CFAP47: variants seen among roughly 807,000 people sequenced by gnomAD.
CFAP47 encodes cilia and flagella associated protein 47, also known as cilia- and flagella-associated protein 47.
In CFAP47, 29 loss-of-function variants were observed where a neutral mutation model predicts 148.1. The observed-to-expected ratio is 0.20, with a 90% CI of 0.15 to 0.27. The LOEUF is 0.27. CFAP47 is among the 10% of genes least tolerant of loss of function. CFAP47 has a pLI of 1.00. For missense variants in CFAP47, 1,872 were observed against 1,697.5 expected (o/e 1.10, Z -1.81); for synonymous variants, 664 against 577.3 (o/e 1.15, Z -2.15).
chrX:36,349,327 G>T (rs151168081), intron 58 of CFAP47, among the ~76,000 whole-genome samples: 1,665 of 111,311 alleles, frequency 0.015, 51 homozygotes, highest in Admixed American at 0.093. Flanking sequence ...GCAGTGGCAT[G>T]ATCTTAACTT....
At chrX:36,131,115 CT>C (rs1215631959) in intron 33 of CFAP47, among the ~76,000 whole-genome samples, 1 of 111,027 alleles carries the variant, frequency 9.0e-6, no homozygotes, top group African/African-American at 3.3e-5. Flanking sequence ...GATGGATGCC[CT>C]ATTCTTCAAG....
intron 46 of CFAP47, among the ~76,000 whole-genome samples, chrX:36,231,392 C>T (rs1307618031): frequency 1.9e-5 from 2 of 107,260 alleles, no homozygotes; most frequent in Admixed American, 1.0e-4. Context: ...TGGGAGTTCA[C>T]TCATGATTTG....
intron 33 of CFAP47, among the ~76,000 whole-genome samples, chrX:36,129,177 G>T (rs1269922767): frequency 2.7e-5 from 3 of 110,327 alleles, no homozygotes; most frequent in South Asian, 3.7e-4. Context: ...ATGAGATTTT[G>T]TAACATATTT....
chrX:36,067,940 C>G (rs929259473), intron 27 of CFAP47, among the ~76,000 whole-genome samples: 2 of 111,363 alleles, frequency 1.8e-5, no homozygotes, highest in African/African-American at 6.5e-5. Flanking sequence ...CGTGAGCCAC[C>G]GCGCCTGGCC....
In CFAP47 at chrX:36,079,774, T is replaced by C. The variant is rs748423754; in HGVS notation, c.4692-5540T>C. On this transcript the variant is annotated intron_variant, in intron 29 of 63. Transcript: ENST00000378653. ...CCTTCCTTACACCTTATACAAAAAT[T>C]AATTCAAGATAGATTAAAGACTTAA... 2.7e-5 allele frequency among the ~76,000 whole-genome samples: 3 copies of C among 111,518 alleles called. No individual in the cohort carries two copies. In the East Asian group the frequency reaches 8.5e-4, roughly 32 times the overall value.
chrX:35,921,065 AT>A lies in CFAP47; in HGVS notation c.249+1018del, dbSNP rs1456500860. Among the ~76,000 whole-genome samples the A allele has an allele frequency of 2.7e-5, 3 of 111,913 alleles. 1 individual carries two copies. Among genetic ancestry groups the A allele is most frequent in the Non-Finnish European group, 5.6e-5 (3 of 53,221 alleles). ...TAAAGTTTGATGAATTTACAAAAAA[AT>A]AAATATGTGTGTGTGTAGATAGATA... On this transcript the variant is annotated intron_variant, in intron 1 of 63. Transcript: ENST00000378653.
At chrX:36,359,917 AT>A (rs1312682013) in intron 60 of CFAP47, among the ~76,000 whole-genome samples, 4 of 109,126 alleles carry the variant, frequency 3.7e-5, no homozygotes, top group East Asian at 5.8e-4. Context: ...TGCCCAGCTA[AT>A]TTTTTTTTGT....
At chrX:35,987,300 G>A (rs1364055517) in intron 15 of CFAP47, among the ~76,000 whole-genome samples, 1 of 111,727 alleles carries the variant, frequency 9.0e-6, no homozygotes, top group Non-Finnish European at 1.9e-5. Flanking sequence ...CTTCAGAGAT[G>A]CTCGGCCCAG....
At chrX:36,021,075 C>T (rs1334264237) in intron 22 of CFAP47, among the ~76,000 whole-genome samples, 2 of 110,936 alleles carry the variant, frequency 1.8e-5, no homozygotes, top group Non-Finnish European at 3.8e-5. Context: ...ACACTATTTG[C>T]ATGAAAAACA....
At chrX:36,221,447 A>T (rs1242296545) in intron 45 of CFAP47, among the ~76,000 whole-genome samples, 3 of 111,696 alleles carry the variant, frequency 2.7e-5, no homozygotes, top group Admixed American at 9.5e-5. Context: ...AACTTGATGA[A>T]TTCAATAGAA....
chrX:36,349,959 A>G, intron 58 of CFAP47, 79 bp from the exon 59 acceptor site: 2 of 582,785 alleles, frequency 3.4e-6, no homozygotes, highest in African/African-American at 2.3e-5. Context: ...AAAATACCAT[A>G]AAGTTAATAA....
At chrX:36,127,422 C>T (rs1199355237) in intron 33 of CFAP47, among the ~76,000 whole-genome samples, 1 of 111,476 alleles carries the variant, frequency 9.0e-6, no homozygotes, top group Non-Finnish European at 1.9e-5. Flanking sequence ...GGTATTGTTT[C>T]TGAAGCCTCT....
rs1280641429 is a variant in CFAP47 at position 36,385,137 on chromosome X, C to A, written c.*131C>A. On this transcript the variant is annotated 3_prime_UTR_variant, in exon 64 of 64. Transcript: ENST00000378653. ...CTATATTTCCTTGTCTTTTAAAATT[C>A]AATCTGTTCTCTGAATATATTATAC... The A allele has an allele frequency of 3.9e-5, 18 of 467,513 alleles. No homozygotes were observed. The highest frequency in any genetic ancestry group is 5.7e-4 in the Middle Eastern group (1 of 1,764). 38.5% of individuals were successfully genotyped at this position (467,513 alleles called of 1,213,427 possible). A position where few individuals can be genotyped will look rare whatever the true frequency, so the allele number is the denominator to read the frequency against.
At chrX:36,221,211 T>A (rs62590709) in intron 45 of CFAP47, among the ~76,000 whole-genome samples, 13,783 of 110,579 alleles carry the variant, frequency 0.12, 689 homozygotes, top group East Asian at 0.26. Flanking sequence ...AATAAATAAT[T>A]CGGGTGTTAC....
chrX:36,021,385 C>T (rs1937156449), intron 22 of CFAP47, among the ~76,000 whole-genome samples: 1 of 110,758 alleles, frequency 9.0e-6, no homozygotes, highest in Non-Finnish European at 1.9e-5. Context: ...CCCTGCAACC[C>T]TCAACCTCCT....
intron 45 of CFAP47, among the ~76,000 whole-genome samples, chrX:36,208,019 G>C (rs782773141): frequency 9.0e-6 from 1 of 111,318 alleles, no homozygotes; most frequent in East Asian, 2.8e-4. Context: ...ATTTTGTATC[G>C]CTCTAATTTC....
intron 55 of CFAP47, among the ~76,000 whole-genome samples, chrX:36,308,247 G>A (rs1345323325): frequency 9.0e-6 from 1 of 111,658 alleles, no homozygotes; most frequent in Non-Finnish European, 1.9e-5. Context: ...AACCTTCTAT[G>A]AGTCAGTTGA....
At chrX:36,072,678 ATTACTT>A (rs992956978) in intron 28 of CFAP47, among the ~76,000 whole-genome samples, 2 of 111,992 alleles carry the variant, frequency 1.8e-5, no homozygotes, top group Non-Finnish European at 3.8e-5. Context: ...ATTCTTGAAA[ATTACTT>A]TAACTTGAAA....
chrX:36,239,908 C>A (rs1292334781), intron 48 of CFAP47, among the ~76,000 whole-genome samples: 1 of 111,678 alleles, frequency 9.0e-6, no homozygotes, highest in African/African-American at 3.3e-5. Flanking sequence ...AAGTATACAA[C>A]AACACATATA....
Sources: gnomAD v4.1 joint callset for allele counts (sites outside exome capture counted in the v4.1 genomes callset) on GRCh38, gnomAD v4.1.1 for gene constraint, MANE v1.5 for transcripts, NCBI Gene and HGNC (gene_info 2026-07-23, HGNC 2026-07-21) for gene names.